The following CACNB2 variants were observed in gnomAD, a reference collection of about 807,000 sequenced individuals.
CACNB2 encodes the protein voltage-dependent L-type calcium channel subunit beta-2.
CACNB2 carries 42 observed loss-of-function variants against 73.3 expected under a neutral mutation model. The observed-to-expected ratio is 0.57, with a 90% CI of 0.45 to 0.74. The LOEUF (loss-of-function observed/expected upper bound fraction) is 0.74. Among genes scored for constraint, CACNB2 ranks in the 30% least tolerant of loss-of-function variants. The pLI is 0.00. For synonymous variants in CACNB2, 348 were observed against 310.3 expected (o/e 1.12, Z -1.28); for missense variants, 940 against 853.0 (o/e 1.10, Z -1.27).
intron 4 of CACNB2, chr10:18,498,743 C>A: frequency 4.6e-6 from 2 of 434,732 alleles, no homozygotes; most frequent in Non-Finnish European, 8.5e-6. Context: ...AGTAGATGAT[C>A]CTTTTTTATG....
Position 18,542,514 on chromosome 10 carries a change from C to T in CACNB2, c.*2790C>T, listed in dbSNP as rs1414492132. 1 of 152,192 alleles carries T rather than the reference C, an allele frequency of 6.6e-6. No homozygotes were observed. Among genetic ancestry groups the T allele is most frequent in the African/African-American group, 2.4e-5 (1 of 41,462 alleles). The allele number at this position is 152,192 out of a possible 1,614,324, so 9.4% of individuals were successfully genotyped here. A position where few individuals can be genotyped will look rare whatever the true frequency, so the allele number is the denominator to read the frequency against. On this transcript the variant is annotated 3_prime_UTR_variant, in exon 14 of 14. Transcript: ENST00000324631. The stretch of plus-strand genomic sequence containing the variant: ...ACATAGCTAGTATTTATCTTACTTG[C>T]TGCTATCATTAATCCCTTTCAAAAA...
At chr10:18,253,361 C>T (rs972141734) in intron 2 of CACNB2, among the ~76,000 whole-genome samples, 1 of 152,110 alleles carries the variant, frequency 6.6e-6, no homozygotes, top group Non-Finnish European at 1.5e-5. Flanking sequence ...AAAATATATG[C>T]AGTTCATTAG....
intron 3 of CACNB2, among the ~76,000 whole-genome samples, chr10:18,478,915 GA>G (rs2048578362): frequency 1.3e-5 from 2 of 152,130 alleles, no homozygotes; most frequent in African/African-American, 4.8e-5. Flanking sequence ...GGGGGACCTT[GA>G]GGCGGCTTCT....
intron 2 of CACNB2, among the ~76,000 whole-genome samples, chr10:18,400,287 A>G (rs2043924554): frequency 6.6e-6 from 1 of 152,212 alleles, no homozygotes; most frequent in African/African-American, 2.4e-5. Flanking sequence ...TCCTTGTGGT[A>G]TAGGACACAC....
intron 4 of CACNB2, among the ~76,000 whole-genome samples, chr10:18,500,231 A>C (rs575889034): frequency 6.6e-6 from 1 of 152,344 alleles, no homozygotes; most frequent in Admixed American, 6.5e-5. Context: ...GATTTATTCA[A>C]TCGAGGAAAA....
At chr10:18,499,334 A>G (rs1208229850) in intron 4 of CACNB2, among the ~76,000 whole-genome samples, 4 of 152,152 alleles carry the variant, frequency 2.6e-5, no homozygotes, top group Non-Finnish European at 5.9e-5. Flanking sequence ...AAAAGAACCT[A>G]GGGCTGGGCC....
rs182866956 is a variant in CACNB2 at position 18,260,755 on chromosome 10, C to T, written c.213+109780C>T. The stretch of plus-strand genomic sequence containing the variant: ...AAGAAGGCAATCATAGGCGAGCAGC[C>T]GCGGGAGCAGGAACAGCAGCGTGCT... On this transcript the variant is annotated intron_variant, in intron 2 of 13. Coordinates refer to ENST00000324631, the MANE Select transcript of CACNB2 (RefSeq NM_201596.3). The T allele has an allele frequency of 9.0e-6, 9 of 999,690 alleles. No homozygotes were observed. In the East Asian group the frequency reaches 4.1e-4, roughly 46 times the overall value. 61.9% of individuals were successfully genotyped at this position (999,690 alleles called of 1,614,324 possible).
chr10:18,485,072 G>A (rs1263206945), intron 3 of CACNB2, among the ~76,000 whole-genome samples: 1 of 152,022 alleles, frequency 6.6e-6, no homozygotes, highest in Non-Finnish European at 1.5e-5. Flanking sequence ...AGCATGGAAT[G>A]CAGAGGTTGC....
intron 2 of CACNB2, among the ~76,000 whole-genome samples, chr10:18,293,457 G>C (rs912697109): frequency 2.0e-5 from 3 of 152,150 alleles, no homozygotes; most frequent in Non-Finnish European, 4.4e-5. Flanking sequence ...TCCTTCATCT[G>C]ATTAATACTC....
At chr10:18,403,560 G>A (rs1324313273) in intron 3 of CACNB2, among the ~76,000 whole-genome samples, 1 of 152,134 alleles carries the variant, frequency 6.6e-6, no homozygotes. Flanking sequence ...TGTAGGTTTG[G>A]TTTTCAATTG....
At chr10:18,325,689 C>CCCTCCCTCCCTCCCTTCCTTCCTTCCTT (rs1421437684) in intron 2 of CACNB2, among the ~76,000 whole-genome samples, 1 of 89,222 alleles carries the variant, frequency 1.1e-5, no homozygotes, top group Non-Finnish European at 2.4e-5. Context: ...CTCCCTCCCT[C>CCCTCCCTCCCTCCCTTCCTTCCTTCCTT]CCTTCCTTCC....
At position 18,380,911 on chromosome 10, in the gene CACNB2, C is replaced by T. The variant is rs566098213; in HGVS notation, c.214-21013C>T. Among the ~76,000 whole-genome samples the T allele has an allele frequency of 2.6e-5, 4 of 152,104 alleles. No homozygotes were observed. The East Asian group carries it at 5.8e-4, about 22-fold the overall frequency. ...GAAAATGTGTAGACTTTTCACCATG[C>T]GATCCTCATACAATCTTGATCTTAT... is the stretch of plus-strand genomic sequence containing the variant. On this transcript the variant is annotated intron_variant, in intron 2 of 13. Transcript: ENST00000324631.
chr10:18,436,903 A>G (rs1454234171), intron 3 of CACNB2, among the ~76,000 whole-genome samples: 3 of 152,192 alleles, frequency 2.0e-5, no homozygotes, highest in Admixed American at 2.0e-4. Context: ...GTCACCTTAT[A>G]TTTGAAATCT....
rs779895612 is a variant in CACNB2, at chr10:18,514,196, C to T, written c.671-40C>T. 1.4e-5 allele frequency: 22 copies of T among 1,608,544 alleles called. No homozygotes were observed. The South Asian group carries it at 2.3e-4, about 17-fold the overall frequency. On this transcript the variant is annotated intron_variant, in intron 6 of 13. Coordinates refer to ENST00000324631, the MANE Select transcript of CACNB2 (RefSeq NM_201596.3). ...TTTATTTTCTTTATAACCTATTTTT[C>T]CTCTCCTGTCCACCTGATTTTTGAA... is the stretch of plus-strand genomic sequence containing the variant.
chr10:18,161,644 T>A (rs1296324427), intron 2 of CACNB2, among the ~76,000 whole-genome samples: 4 of 150,128 alleles, frequency 2.7e-5, no homozygotes, highest in Non-Finnish European at 5.9e-5. Context: ...TTTTTTTTTA[T>A]AACAACTGCC....
intron 2 of CACNB2, among the ~76,000 whole-genome samples, chr10:18,349,674 G>A (rs901708655): frequency 1.3e-4 from 19 of 151,822 alleles, no homozygotes; most frequent in African/African-American, 4.6e-4. Context: ...GGGAGAAGAG[G>A]GGAGTGGAGA....
chr10:18,261,032 T>A, intron 2 of CACNB2: 1 of 1,381,482 alleles, frequency 7.2e-7, no homozygotes, highest in Non-Finnish European at 9.4e-7. Flanking sequence ...TTGAAGAAGA[T>A]CTCAAATTAC....
intron 2 of CACNB2, among the ~76,000 whole-genome samples, chr10:18,182,765 T>C (rs59171188): frequency 6.7e-6 from 1 of 149,886 alleles, no homozygotes; most frequent in African/African-American, 2.5e-5. Flanking sequence ...GAGGTTGCAG[T>C]GAGCCAAGAT....
At chr10:18,150,855 C>CTTTTTTTTTTGT in intron 1 of CACNB2, 28 bp from the exon 2 acceptor site, 3 of 483,392 alleles carry the variant, frequency 6.2e-6, no homozygotes, top group African/African-American at 4.5e-5. Context: ...TCTTATTTGT[C>CTTTTTTTTTTGT]TTTTTTTTTT....
Sources: gnomAD v4.1 joint callset for allele counts (sites outside exome capture counted in the v4.1 genomes callset) on GRCh38, gnomAD v4.1.1 for gene constraint, MANE v1.5 for transcripts, NCBI Gene and HGNC (gene_info 2026-07-23, HGNC 2026-07-21) for gene names.